PIK3CG: variants seen among roughly 807,000 people sequenced by gnomAD.
PIK3CG encodes phosphatidylinositol 4,5-bisphosphate 3-kinase catalytic subunit gamma isoform.
Under a neutral mutation model 102.3 loss-of-function variants are expected in PIK3CG, and 55 were observed. That is an observed-to-expected ratio of 0.54 (90% CI 0.43 to 0.67). The LOEUF (loss-of-function observed/expected upper bound fraction) is 0.67, where lower values mean the gene tolerates loss of function less well. Ranked by LOEUF, PIK3CG falls within the 30% of genes least tolerant of loss-of-function variation. PIK3CG has a pLI of 0.00. For missense variants in PIK3CG, 1,258 were observed against 1,391.8 expected, an observed-to-expected ratio of 0.90 and a Z score of 1.53; for synonymous variants, 552 against 540.0, an observed-to-expected ratio of 1.02 and a Z score of -0.31.
Position 106,874,421 on chromosome 7 carries a change from G to A in PIK3CG, c.2288-279G>A, listed in dbSNP as rs1330833028. On this transcript the variant is annotated intron_variant, in intron 4 of 10. Coordinates refer to ENST00000496166, the MANE Select transcript of PIK3CG (RefSeq NM_001282426.2). The surrounding 1 kb of genome is among the most constrained non-coding windows in gnomAD (Gnocchi z 4.3). The stretch of plus-strand genomic sequence containing the variant: ...CCCTCAGAGCATACTTCTCTACTTG[G>A]ATTGTGTTGGTGTCTATGTGTTATC... Among the ~76,000 whole-genome samples, 1 of 152,160 alleles carries A rather than the reference G, an allele frequency of 6.6e-6. No homozygotes were observed. The highest frequency in any genetic ancestry group is 1.5e-5 in the Non-Finnish European group (1 of 68,032).
chr7:106,882,218 A>G lies in PIK3CG; in HGVS notation c.2629+11A>G, dbSNP rs375304427. 1.4e-6 allele frequency: 2 copies of G among 1,420,998 alleles called. No individual in the cohort carries two copies. Among genetic ancestry groups the G allele is most frequent in the Non-Finnish European group, 1.9e-6 (2 of 1,029,782 alleles). 88.0% of individuals were successfully genotyped at this position (1,420,998 alleles called of 1,614,324 possible). On this transcript the variant is annotated intron_variant, in intron 7 of 10. Transcript: ENST00000496166. ...CTGGTGACAAAATAGGTATGTAGTT[A>G]CCTCAGGAGATGAATAGACCTCTCA...
rs1271574008 is a variant in PIK3CG, at chr7:106,865,301, T to C, written c.-138T>C. The C allele has an allele frequency of 6.6e-6, 1 of 152,222 alleles. No homozygotes were observed. Among genetic ancestry groups the C allele is most frequent in the Non-Finnish European group, 1.5e-5 (1 of 68,038 alleles). The allele number at this position is 152,222 out of a possible 1,614,324, so 9.4% of individuals were successfully genotyped here. A position where few individuals can be genotyped will look rare whatever the true frequency, so the allele number is the denominator to read the frequency against. On this transcript the variant is annotated 5_prime_UTR_variant, in exon 1 of 11. Coordinates refer to ENST00000496166, the MANE Select transcript of PIK3CG (RefSeq NM_001282426.2). ...GTAACTGCAACACTTCCTCTGCATC[T>C]GGATATGAAGGGAGCCCCAGAAAAG... is the stretch of plus-strand genomic sequence containing the variant.
At position 106,877,685 on chromosome 7, in the gene PIK3CG, A is replaced by T. The variant is rs1306384828; in HGVS notation, c.2392-1834A>T. Among the ~76,000 whole-genome samples the T allele has an allele frequency of 3.9e-5, 6 of 152,114 alleles. No homozygotes were observed. Among genetic ancestry groups the T allele is most frequent in the Non-Finnish European group, 8.8e-5 (6 of 68,026 alleles). On this transcript the variant is annotated intron_variant, in intron 5 of 10. Coordinates refer to ENST00000496166, the MANE Select transcript of PIK3CG (RefSeq NM_001282426.2). The surrounding 1 kb of genome is among the most constrained non-coding windows in gnomAD (Gnocchi z 4.5). ...TGGCACCTTTGTCAAGTATCAACTGACCGTATATGTGTGGGTCTACACCTA... is the reference window on the plus strand; with the variant it reads ...TGGCACCTTTGTCAAGTATCAACTGTCCGTATATGTGTGGGTCTACACCTA...
At chr7:106,885,945 C>G (rs1032553247) in intron 9 of PIK3CG, among the ~76,000 whole-genome samples, 190 bp from the exon 10 acceptor site, 1 of 152,194 alleles carries the variant, frequency 6.6e-6, no homozygotes, top group East Asian at 1.9e-4. Flanking sequence ...CAAAAACATA[C>G]TTGGTTCAAA....
chr7:106,874,815 T>C lies in PIK3CG; in HGVS notation c.2391+12T>C, dbSNP rs1174352488. ...CAGGAGCGCTGGCAGTAGGTATCAC[T>C]TGGATGTCTCCATGTGGTCTTTATG... is the stretch of plus-strand genomic sequence containing the variant. On this transcript the variant is annotated intron_variant, in intron 5 of 10. Transcript: ENST00000496166. The surrounding 1 kb of genome is among the most constrained non-coding windows in gnomAD (Gnocchi z 4.3). The C allele has an allele frequency of 6.5e-7, 1 of 1,537,370 alleles. No homozygotes were observed.
At chr7:106,870,386 A>G (rs1332064994) in intron 2 of PIK3CG, among the ~76,000 whole-genome samples, 5 of 152,222 alleles carry the variant, frequency 3.3e-5, no homozygotes, top group African/African-American at 1.2e-4. Context: ...GCAGTTCTCA[A>G]CTTATATTGT....
rs1228977443 is a variant in PIK3CG at position 106,894,083 on chromosome 7, A to T, written c.3030+7791A>T. On this transcript the variant is annotated intron_variant, in intron 10 of 10. Transcript: ENST00000496166. The surrounding 1 kb of genome is among the most constrained non-coding windows in gnomAD (Gnocchi z 4.4). ...ATTGTTATGCAGTACATGACTGTAT[A>T]TAGGACTTGTGATGTACAGTTTTAA... Among the ~76,000 whole-genome samples, 2 of 152,208 alleles carry T rather than the reference A, an allele frequency of 1.3e-5. No individual in the cohort carries two copies. The highest frequency in any genetic ancestry group is 2.9e-5 in the Non-Finnish European group (2 of 68,032).
rs922132976 is a variant in PIK3CG, at chr7:106,890,414, C to G, written c.3030+4122C>G. On this transcript the variant is annotated intron_variant, in intron 10 of 10. Transcript: ENST00000496166. This position sits in a 1 kb window ranked among gnomAD's most constrained non-coding sequence, Gnocchi z 4.2. ...ACCAGGATGGTCTCAATCTCCTGAC[C>G]TCGTGATCCGGCTGCCTCAGCCTCC... 6.6e-6 allele frequency among the ~76,000 whole-genome samples: 1 copy of G among 152,214 alleles called. No individual in the cohort carries two copies. Among genetic ancestry groups the G allele is most frequent in the African/African-American group, 2.4e-5 (1 of 41,456 alleles).
chr7:106,872,881 A>G lies in PIK3CG; in HGVS notation c.2230A>G (p.Lys744Glu). ...AGTCCAAGTAATCGAGATGTTACAA[A>G]AAGTCACCCTTGATATTAAATCGCT... ...QQVQVIEMLQKVTLDIKSLSA... is the reference protein window; with the variant it reads ...QQVQVIEMLQEVTLDIKSLSA... The change falls in exon 4 of 11, where the codon AAA becomes GAA. Residue 744 changes from lysine (K) to glutamate (E), a missense_variant. Physicochemically the swap from Lys to Glu is moderately conservative, Grantham distance 56 (BLOSUM62 1). Coordinates refer to ENST00000496166, the MANE Select transcript of PIK3CG (RefSeq NM_001282426.2). The surrounding 1 kb of genome is among the most constrained non-coding windows in gnomAD (Gnocchi z 5.3). 6.2e-7 allele frequency: 1 copy of G among 1,614,218 alleles called. No homozygotes were observed. The highest frequency in any genetic ancestry group is 8.5e-7 in the Non-Finnish European group (1 of 1,180,034).
rs1166145265 is a variant in PIK3CG at position 106,897,427 on chromosome 7, A to C, written c.3031-7682A>C. Among the ~76,000 whole-genome samples the C allele has an allele frequency of 1.3e-5, 2 of 152,202 alleles. No homozygotes were observed. The highest frequency in any genetic ancestry group is 4.8e-5 in the African/African-American group (2 of 41,444). On this transcript the variant is annotated intron_variant, in intron 10 of 10. Coordinates refer to ENST00000496166, the MANE Select transcript of PIK3CG (RefSeq NM_001282426.2). This position sits in a 1 kb window ranked among gnomAD's most constrained non-coding sequence, Gnocchi z 4.6. Reference sequence around the variant, plus strand: ...GGGGGTACATGTGAAAGTTTGTTACATAGGTAAACACATGTCACAGGGGTT... The same window carrying C: ...GGGGGTACATGTGAAAGTTTGTTACCTAGGTAAACACATGTCACAGGGGTT...
intron 10 of PIK3CG, among the ~76,000 whole-genome samples, chr7:106,896,245 G>A (rs1791404762): frequency 6.6e-6 from 1 of 152,182 alleles, no homozygotes; most frequent in African/African-American, 2.4e-5. Context: ...CTGAGCACCA[G>A]TGGATTGGTG....
At position 106,897,166 on chromosome 7, in the gene PIK3CG, T is replaced by TA. The variant is rs531695301; in HGVS notation, c.3031-7942dup. Among the ~76,000 whole-genome samples the TA allele has an allele frequency of 3.9e-5, 6 of 152,198 alleles. No individual in the cohort carries two copies. The highest frequency in any genetic ancestry group is 8.8e-5 in the Non-Finnish European group (6 of 68,034). On this transcript the variant is annotated intron_variant, in intron 10 of 10. Transcript: ENST00000496166. This position sits in a 1 kb window ranked among gnomAD's most constrained non-coding sequence, Gnocchi z 4.6. ...TAAGTACTTTTTGTGAATCTTTTTT[T>TA]ATCAGTCCCCTATTGTAGGACATTA... is the stretch of plus-strand genomic sequence containing the variant.
In PIK3CG at chr7:106,879,911, T is replaced by G. The variant is rs1203941166; in HGVS notation, c.2538+246T>G. ...ACACTCCCAAGTAGCCAGATATACC[T>G]CCCTCACCTAATGTCTTTTTTATAC... On this transcript the variant is annotated intron_variant, in intron 6 of 10. Transcript: ENST00000496166. The surrounding 1 kb of genome is among the most constrained non-coding windows in gnomAD (Gnocchi z 4.9). 6.6e-6 allele frequency among the ~76,000 whole-genome samples: 1 copy of G among 152,140 alleles called. No individual in the cohort carries two copies. The highest frequency in any genetic ancestry group is 6.5e-5 in the Admixed American group (1 of 15,276).
chr7:106,874,770 A>G lies in PIK3CG; in HGVS notation c.2358A>G (p.Pro786=), dbSNP rs544272467. 28 of 1,613,948 alleles carry G rather than the reference A, an allele frequency of 1.7e-5. No homozygotes were observed. Among genetic ancestry groups the G allele is most frequent in the South Asian group, 1.5e-4 (14 of 91,072 alleles). ...AACTCCCCGAAAGCTTTAGAGTTCC[A>G]TATGATCCTGGACTGAAAGCAGGAG... ...NSQLPESFRV[P]YDPGLKAGAL... The change falls in exon 5 of 11, where the codon CCA becomes CCG. Residue 786 remains proline (P), a synonymous_variant. Transcript: ENST00000496166. The surrounding 1 kb of genome is among the most constrained non-coding windows in gnomAD (Gnocchi z 4.3).
In PIK3CG at chr7:106,874,915, G is replaced by A; in HGVS notation, c.2391+112G>A. ...TGTTTATGCAGAGACAGGGAAGCTG[G>A]AGAGTCTCTGGATGGGTTTCTCATA... On this transcript the variant is annotated intron_variant, in intron 5 of 10. Coordinates refer to ENST00000496166, the MANE Select transcript of PIK3CG (RefSeq NM_001282426.2). The surrounding 1 kb of genome is among the most constrained non-coding windows in gnomAD (Gnocchi z 4.3). 1 of 652,286 alleles carries A rather than the reference G, an allele frequency of 1.5e-6. No homozygotes were observed. Among genetic ancestry groups the A allele is most frequent in the Non-Finnish European group, 2.7e-6 (1 of 375,456 alleles). 40.4% of individuals were successfully genotyped at this position (652,286 alleles called of 1,614,324 possible).
In PIK3CG at chr7:106,879,537, A is replaced by T. The variant is rs771008997; in HGVS notation, c.2410A>T (p.Met804Leu). The T allele has an allele frequency of 6.2e-7, 1 of 1,613,464 alleles. No individual in the cohort carries two copies. The highest frequency in any genetic ancestry group is 1.6e-4 in the Middle Eastern group (1 of 6,062). Residue 804 changes from methionine (M) to leucine (L), a missense_variant, in exon 6 of 11, where the codon ATG becomes TTG. Met to Leu is a conservative substitution (Grantham distance 15). Transcript: ENST00000496166. The surrounding 1 kb of genome is among the most constrained non-coding windows in gnomAD (Gnocchi z 4.9). ...CTTACAGATTGAAAAATGTAAAGTA[A>T]TGGCCTCCAAGAAAAAACCACTATG... ...GALAIEKCKVMASKKKPLWLE... is the reference protein window; with the variant it reads ...GALAIEKCKVLASKKKPLWLE...
chr7:106,872,595 G>A lies in PIK3CG; in HGVS notation c.2054G>A (p.Gly685Asp), dbSNP rs750877559. 6.2e-7 allele frequency: 1 copy of A among 1,613,548 alleles called. No individual in the cohort carries two copies. Among genetic ancestry groups the A allele is most frequent in the African/African-American group, 1.3e-5 (1 of 74,918 alleles). The change falls in exon 3 of 11, where the codon GGT becomes GAT. Residue 685 changes from glycine (G) to aspartate (D), a missense_variant. By Grantham distance (94) the Gly-to-Asp change is moderately conservative. Around this residue, in one of 2 missense-constraint regions of PIK3CG, gnomAD observed 426 missense variants for 604.2 expected, o/e 0.71. Transcript: ENST00000496166. The surrounding 1 kb of genome is among the most constrained non-coding windows in gnomAD (Gnocchi z 5.3). ...SALARFLLKR[G>D]LRNKRIGHFL... ...CTTGCCAGATTTCTGCTGAAGCGTG[G>A]TTTAAGAGTAAGTACTTCCATTTTG...
chr7:106,893,794 A>G lies in PIK3CG; in HGVS notation c.3030+7502A>G, dbSNP rs1048054079. ...ATACAGAGAAATGCATCATTAGGCA[A>G]TTTCGTCATTGTGTAAACATCAGAG... On this transcript the variant is annotated intron_variant, in intron 10 of 10. Transcript: ENST00000496166. This position sits in a 1 kb window ranked among gnomAD's most constrained non-coding sequence, Gnocchi z 4.4. Among the ~76,000 whole-genome samples the G allele has an allele frequency of 9.9e-5, 15 of 152,160 alleles. No individual in the cohort carries two copies. Among genetic ancestry groups the G allele is most frequent in the Admixed American group, 2.6e-4 (4 of 15,280 alleles).
rs966942804 is a variant in PIK3CG, at chr7:106,877,914, A to G, written c.2392-1605A>G. Among the ~76,000 whole-genome samples, 3 of 152,200 alleles carry G rather than the reference A, an allele frequency of 2.0e-5. No homozygotes were observed. Among genetic ancestry groups the G allele is most frequent in the African/African-American group, 4.8e-5 (2 of 41,450 alleles). ...GTTATAAATGGCACAATAAGTTACT[A>G]TTTTTGCCCTAAACAGTTAAAAAAT... On this transcript the variant is annotated intron_variant, in intron 5 of 10. Coordinates refer to ENST00000496166, the MANE Select transcript of PIK3CG (RefSeq NM_001282426.2). The surrounding 1 kb of genome is among the most constrained non-coding windows in gnomAD (Gnocchi z 4.5).
Sources: allele counts gnomAD v4.1 joint callset (sites outside exome capture counted in the v4.1 genomes callset), GRCh38; gene constraint gnomAD v4.1.1; regional missense constraint gnomAD v4.1.1; non-coding constraint Gnocchi (gnomAD v3.1); transcripts MANE v1.5; gene names NCBI Gene and HGNC (gene_info 2026-07-23, HGNC 2026-07-21).